The following EML4 variants were observed in gnomAD, a reference collection of about 807,000 sequenced individuals.
EML4 encodes EMAP like 4, also known as echinoderm microtubule-associated protein-like 4.
A neutral mutation model predicts 129.0 loss-of-function variants in EML4; 72 were observed. The observed-to-expected ratio is 0.56, with a 90% CI of 0.46 to 0.68. EML4 has a LOEUF of 0.68. EML4 is among the 30% of genes least tolerant of loss of function. The probability of loss-of-function intolerance (pLI) is 0.00; values close to 1 mark genes in which losing one functional copy is unlikely to be tolerated. For synonymous variants in EML4, 532 were observed against 405.0 expected (o/e 1.31, Z -3.77); for missense variants, 1,363 against 1,190.6 (o/e 1.14, Z -2.13).
intron 1 of EML4, among the ~76,000 whole-genome samples, chr2:42,180,263 C>A (rs1670855721): frequency 6.6e-6 from 1 of 152,176 alleles, no homozygotes; most frequent in Non-Finnish European, 1.5e-5. Context: ...TTCCTTTTAT[C>A]CCTAAGCCTC....
intron 2 of EML4, among the ~76,000 whole-genome samples, chr2:42,251,658 T>C (rs927446389): frequency 6.6e-6 from 1 of 152,070 alleles, no homozygotes; most frequent in African/African-American, 2.4e-5. Context: ...AGCCTGAAAA[T>C]GAGGAGTGGA....
chr2:42,228,706 C>T (rs953396366), intron 1 of EML4, among the ~76,000 whole-genome samples: 1 of 152,172 alleles, frequency 6.6e-6, no homozygotes, highest in Non-Finnish European at 1.5e-5. Flanking sequence ...GACTGACTTT[C>T]TGTGAGTTCT....
intron 1 of EML4, among the ~76,000 whole-genome samples, chr2:42,174,388 T>A (rs951613110): frequency 2.0e-5 from 3 of 152,070 alleles, no homozygotes; most frequent in African/African-American, 7.2e-5. Flanking sequence ...CCTCCTGGGT[T>A]CAAGCGATTC....
At chr2:42,280,365 G>A (rs138194118) in intron 6 of EML4, among the ~76,000 whole-genome samples, 2 of 152,114 alleles carry the variant, frequency 1.3e-5, no homozygotes, top group African/African-American at 4.8e-5. Context: ...GGACTTTATA[G>A]TATCACTTTG....
At chr2:42,285,791 G>C (rs1439225) in intron 9 of EML4, 43,235 of 157,792 alleles carry the variant, frequency 0.27, 6,482 homozygotes, top group East Asian at 0.56. Flanking sequence ...ATAGAGATGG[G>C]TTTTCACTCT....
intron 1 of EML4, among the ~76,000 whole-genome samples, chr2:42,234,447 A>C (rs1330762234): frequency 6.6e-6 from 1 of 152,224 alleles, no homozygotes; most frequent in Non-Finnish European, 1.5e-5. Flanking sequence ...TCTACCCTTA[A>C]GAATTTCTGA....
At chr2:42,184,055 T>A (rs534676138) in intron 1 of EML4, among the ~76,000 whole-genome samples, 18 of 152,176 alleles carry the variant, frequency 1.2e-4, no homozygotes, top group Non-Finnish European at 2.4e-4. Flanking sequence ...AAGTGTTGTT[T>A]AGTAGTAGCA....
intron 17 of EML4, among the ~76,000 whole-genome samples, chr2:42,306,857 C>G (rs1011195594): frequency 6.6e-6 from 1 of 151,980 alleles, no homozygotes; most frequent in Non-Finnish European, 1.5e-5. Context: ...TTATTAATAT[C>G]GTGATTGCAC....
At chr2:42,267,575 G>A (rs542925610) in intron 6 of EML4, among the ~76,000 whole-genome samples, 1 of 152,162 alleles carries the variant, frequency 6.6e-6, no homozygotes. Context: ...TACCTGAAAG[G>A]CCTGTGTCCT....
chr2:42,258,152 C>T (rs1665467616), intron 3 of EML4, among the ~76,000 whole-genome samples: 1 of 152,078 alleles, frequency 6.6e-6, no homozygotes, highest in African/African-American at 2.4e-5. Flanking sequence ...AGTTTATGAT[C>T]CAGGGTCCCT....
chr2:42,310,727 A>T (rs1668892298), intron 17 of EML4, among the ~76,000 whole-genome samples: 1 of 152,258 alleles, frequency 6.6e-6, no homozygotes, highest in Non-Finnish European at 1.5e-5. Flanking sequence ...TTATTTGGCC[A>T]TCATGGTGGC....
rs978696677 is a variant in EML4, at chr2:42,277,051, AT to A, written c.668-3790del. Reference sequence around the variant, plus strand: ...GCTGTGCCTGTTCAAAAAGGAGAGCATTTTTTTTTCTTCCTTGATACTATCA... The same window carrying A: ...GCTGTGCCTGTTCAAAAAGGAGAGCATTTTTTTTCTTCCTTGATACTATCA... On this transcript the variant is annotated intron_variant, in intron 6 of 22. Transcript: ENST00000318522. Among the ~76,000 whole-genome samples, 18 of 151,158 alleles carry A rather than the reference AT, an allele frequency of 1.2e-4. No individual in the cohort carries two copies. In the East Asian group the frequency reaches 2.9e-3, roughly 24 times the overall value.
rs558560917 is a variant in EML4 at position 42,237,589 on chromosome 2, C to T, written c.26-7916C>T. Among the ~76,000 whole-genome samples the T allele has an allele frequency of 5.9e-5, 9 of 152,262 alleles. No individual in the cohort carries two copies. In the South Asian group the frequency reaches 1.0e-3, roughly 18 times the overall value. ...CCTCTCCCGCTCAGTCAAAAATCCA[C>T]GTATACTTTTGCTTCCCCAAAAACC... On this transcript the variant is annotated intron_variant, in intron 1 of 22. Coordinates refer to ENST00000318522, the MANE Select transcript of EML4 (RefSeq NM_019063.5).
chr2:42,223,558 A>G (rs1477871676), intron 1 of EML4, among the ~76,000 whole-genome samples: 1 of 152,110 alleles, frequency 6.6e-6, no homozygotes. Flanking sequence ...TTACTGTAGC[A>G]GGTCATCTTT....
At chr2:42,310,174 C>A (rs1668853388) in intron 17 of EML4, among the ~76,000 whole-genome samples, 1 of 152,186 alleles carries the variant, frequency 6.6e-6, no homozygotes, top group African/African-American at 2.4e-5. Context: ...ACTTTGAATT[C>A]TGTTCCATAA....
chr2:42,286,122 G>C, intron 9 of EML4, 147 bp from the exon 10 acceptor site: 1 of 678,566 alleles, frequency 1.5e-6, no homozygotes. Context: ...ACCTACTTAA[G>C]ATTCATTTGG....
rs757375345 is a variant in EML4, at chr2:42,329,026, C to A, written c.2472+10C>A. 8.1e-6 allele frequency: 13 copies of A among 1,607,258 alleles called. No individual in the cohort carries two copies. The highest frequency in any genetic ancestry group is 1.0e-5 in the Non-Finnish European group (12 of 1,177,604). ...CTGCTCCAAAGCAAAGGTAAACTCA[C>A]TTTAATAGAAACTAATGTTATAAGG... On this transcript the variant is annotated intron_variant, in intron 22 of 22. Transcript: ENST00000318522.
intron 2 of EML4, among the ~76,000 whole-genome samples, chr2:42,246,274 C>T (rs1015790086): frequency 1.3e-5 from 2 of 152,078 alleles, no homozygotes; most frequent in African/African-American, 4.8e-5. Flanking sequence ...TGTACCTTTT[C>T]CCTTACTTCA....
chr2:42,203,336 C>A (rs1256433019), intron 1 of EML4, among the ~76,000 whole-genome samples: 1 of 152,074 alleles, frequency 6.6e-6, no homozygotes, highest in African/African-American at 2.4e-5. Flanking sequence ...TGTGGTAGCC[C>A]TTTTTTGTTT....
Sources: gnomAD v4.1 joint callset for allele counts (sites outside exome capture counted in the v4.1 genomes callset) on GRCh38, gnomAD v4.1.1 for gene constraint, MANE v1.5 for transcripts, NCBI Gene and HGNC (gene_info 2026-07-23, HGNC 2026-07-21) for gene names.